TSPAN9: variants seen among roughly 807,000 people sequenced by gnomAD.
TSPAN9 encodes tetraspanin-9.
TSPAN9 carries 16 observed loss-of-function variants against 31.0 expected under a neutral mutation model. That is an observed-to-expected ratio of 0.52 (90% CI 0.35 to 0.78). The LOEUF is 0.78. Among genes scored for constraint, TSPAN9 ranks in the 30% least tolerant of loss-of-function variants. The pLI is 0.01. For missense variants in TSPAN9, 272 were observed against 312.5 expected, an observed-to-expected ratio of 0.87 and a Z score of 0.98; for synonymous variants, 145 against 121.6, an observed-to-expected ratio of 1.19 and a Z score of -1.27.
chr12:3,255,513 G>A (rs1414388599), intron 3 of TSPAN9, among the ~76,000 whole-genome samples: 1 of 148,414 alleles, frequency 6.7e-6, no homozygotes, highest in Admixed American at 6.7e-5. Flanking sequence ...ATATTCCTGA[G>A]ATTGTCCCTG....
intron 2 of TSPAN9, among the ~76,000 whole-genome samples, chr12:3,106,444 A>G (rs562627648): frequency 1.3e-5 from 2 of 152,314 alleles, no homozygotes; most frequent in Admixed American, 1.3e-4. Flanking sequence ...CAAAGGCAGA[A>G]ACTGGTGGTG....
intron 1 of TSPAN9, among the ~76,000 whole-genome samples, chr12:3,078,351 T>C (rs2098296169): frequency 6.6e-6 from 1 of 152,146 alleles, no homozygotes; most frequent in African/African-American, 2.4e-5. Flanking sequence ...GTGACTCAGG[T>C]ATTTCCTCCT....
chr12:3,194,380 C>A (rs1591669930), intron 2 of TSPAN9, among the ~76,000 whole-genome samples: 1 of 152,096 alleles, frequency 6.6e-6, no homozygotes, highest in Non-Finnish European at 1.5e-5. Context: ...AAGCCAAACC[C>A]TGCTTGTTTT....
rs1272469430 is a variant in TSPAN9, at chr12:3,280,207, T to G, written c.331-175T>G. Among the ~76,000 whole-genome samples, 1 of 151,942 alleles carries G rather than the reference T, an allele frequency of 6.6e-6. No homozygotes were observed. The highest frequency in any genetic ancestry group is 1.5e-5 in the Non-Finnish European group (1 of 67,954). Reference sequence around the variant, plus strand: ...GGGAGTGTGTGCCTAACCCCGCACCTCTGTTGGGCCAGCAGAGGCCCCCAC... The same window carrying G: ...GGGAGTGTGTGCCTAACCCCGCACCGCTGTTGGGCCAGCAGAGGCCCCCAC... On this transcript the variant is annotated intron_variant, in intron 5 of 8. Coordinates refer to ENST00000011898, the MANE Select transcript of TSPAN9 (RefSeq NM_006675.5). This position sits in a 1 kb window ranked among gnomAD's most constrained non-coding sequence, Gnocchi z 4.5.
chr12:3,243,636 C>T (rs1248874764), intron 3 of TSPAN9, among the ~76,000 whole-genome samples: 1 of 152,168 alleles, frequency 6.6e-6, no homozygotes, highest in African/African-American at 2.4e-5. Context: ...AGCAGCCAGG[C>T]ATCGGCCCTC....
intron 3 of TSPAN9, among the ~76,000 whole-genome samples, chr12:3,238,371 G>A (rs1760052440): frequency 6.6e-6 from 1 of 152,216 alleles, no homozygotes; most frequent in Non-Finnish European, 1.5e-5. Flanking sequence ...CTGGGGACAT[G>A]TGTCCTGAGC....
chr12:3,089,444 G>GCC (rs1165675058), intron 2 of TSPAN9, among the ~76,000 whole-genome samples: 86 of 151,034 alleles, frequency 5.7e-4, no homozygotes, highest in South Asian at 1.1e-3. Flanking sequence ...TTACAGGCAT[G>GCC]TGCCACCACG....
chr12:3,122,475 G>A (rs552189668), intron 2 of TSPAN9, among the ~76,000 whole-genome samples: 1 of 152,070 alleles, frequency 6.6e-6, no homozygotes, highest in African/African-American at 2.4e-5. Context: ...TTTGTATGTT[G>A]TCCAGGCTGG....
intron 3 of TSPAN9, among the ~76,000 whole-genome samples, chr12:3,233,289 T>C (rs927556998): frequency 2.0e-5 from 3 of 152,174 alleles, no homozygotes; most frequent in African/African-American, 7.2e-5. Flanking sequence ...TACAAAAGAA[T>C]ACATGTAAGT....
At chr12:3,159,544 C>T (rs1256897822) in intron 2 of TSPAN9, among the ~76,000 whole-genome samples, 2 of 152,138 alleles carry the variant, frequency 1.3e-5, no homozygotes, top group African/African-American at 4.8e-5. Flanking sequence ...AGGGCAGGCC[C>T]TAATCCACCA....
chr12:3,204,511 C>A (rs145454381), intron 3 of TSPAN9, among the ~76,000 whole-genome samples: 2 of 152,170 alleles, frequency 1.3e-5, no homozygotes, highest in Non-Finnish European at 2.9e-5. Context: ...TGGGTGCCTG[C>A]CTGCCTGTGG....
At chr12:3,278,259 C>A (rs962351750) in intron 3 of TSPAN9, among the ~76,000 whole-genome samples, 162 bp from the exon 4 acceptor site, 1 of 152,226 alleles carries the variant, frequency 6.6e-6, no homozygotes, top group Admixed American at 6.5e-5. Context: ...GTCACACAGC[C>A]GACATGCTTC....
chr12:3,232,085 T>G (rs770341129), intron 3 of TSPAN9, among the ~76,000 whole-genome samples: 2 of 152,216 alleles, frequency 1.3e-5, no homozygotes, highest in Non-Finnish European at 2.9e-5. Flanking sequence ...TCCTGGATTT[T>G]TCTTTTTGGT....
intron 2 of TSPAN9, among the ~76,000 whole-genome samples, chr12:3,114,165 A>G (rs2098320812): frequency 6.6e-6 from 1 of 152,204 alleles, no homozygotes; most frequent in South Asian, 2.1e-4. Context: ...TCTCTGCTGC[A>G]GCTTCTCAAC....
intron 2 of TSPAN9, among the ~76,000 whole-genome samples, chr12:3,145,948 T>G (rs995583057): frequency 6.6e-6 from 1 of 152,190 alleles, no homozygotes; most frequent in Non-Finnish European, 1.5e-5. Flanking sequence ...ACAGATGGGC[T>G]GCAGGCACTG....
At chr12:3,095,930 G>A (rs1209008841) in intron 2 of TSPAN9, among the ~76,000 whole-genome samples, 15 of 149,762 alleles carry the variant, frequency 1.0e-4, no homozygotes, top group Non-Finnish European at 1.9e-4. Context: ...TTCCCAGACG[G>A]GGTGGCGGCC....
At chr12:3,220,101 C>T (rs1416765220) in intron 3 of TSPAN9, among the ~76,000 whole-genome samples, 6 of 148,886 alleles carry the variant, frequency 4.0e-5, no homozygotes, top group Non-Finnish European at 3.0e-5. Context: ...GCCGAGATCA[C>T]GCCATTGCAC....
chr12:3,259,991 A>G (rs1474288680), intron 3 of TSPAN9, among the ~76,000 whole-genome samples: 3 of 152,204 alleles, frequency 2.0e-5, no homozygotes, highest in Admixed American at 1.3e-4. Context: ...GGCCTCACTG[A>G]TGGATGAAAG....
At chr12:3,189,640 G>A (rs148450435) in intron 2 of TSPAN9, among the ~76,000 whole-genome samples, 6 of 152,176 alleles carry the variant, frequency 3.9e-5, no homozygotes, top group Non-Finnish European at 7.4e-5. Flanking sequence ...TGGCTGATTC[G>A]AGGGTGTGAG....
Sources: gnomAD v4.1 joint callset for allele counts (sites outside exome capture counted in the v4.1 genomes callset) on GRCh38, gnomAD v4.1.1 for gene constraint, Gnocchi (gnomAD v3.1) non-coding constraint, MANE v1.5 for transcripts, NCBI Gene and HGNC (gene_info 2026-07-23, HGNC 2026-07-21) for gene names.